The following PRKN variants were observed in gnomAD, a reference collection of about 807,000 sequenced individuals.
The protein encoded by PRKN is E3 ubiquitin-protein ligase parkin.
A neutral mutation model predicts 59.5 loss-of-function variants in PRKN; 56 were observed. The observed-to-expected ratio is 0.94, with a 90% CI of 0.76 to 1.18. The LOEUF is 1.18. Among genes scored for constraint, PRKN ranks in the 50% most tolerant of loss-of-function variants. The pLI, the probability that PRKN is intolerant of heterozygous loss-of-function variation, is 0.00. For synonymous variants in PRKN, 250 were observed against 222.1 expected (o/e 1.13, Z -1.12); for missense variants, 657 against 596.4 (o/e 1.10, Z -1.06).
rs112644639 is a variant in PRKN, at chr6:162,495,310, G to T, written c.8-51837C>A. Among the ~76,000 whole-genome samples, 975 of 152,230 alleles carry T rather than the reference G, an allele frequency of 6.4e-3. 8 individuals are homozygous for T. Among genetic ancestry groups the T allele is most frequent in the African/African-American group, 0.022 (911 of 41,564 alleles). On this transcript the variant is annotated intron_variant, in intron 1 of 11. Transcript: ENST00000366898. ...CAAAATTAGAGTTTTTCTCATCAGA[G>T]AATTAAATTTAAGTCCATCAAGAAA... is the stretch of plus-strand genomic sequence containing the variant.
chr6:161,638,223 G>A (rs1453318247), intron 7 of PRKN, among the ~76,000 whole-genome samples: 1 of 151,410 alleles, frequency 6.6e-6, no homozygotes, highest in Non-Finnish European at 1.5e-5. Context: ...ACCTCCACCT[G>A]CTGGGTTGAA....
In PRKN at chr6:161,759,633, T is replaced by C. The variant is rs938055277; in HGVS notation, c.871+26139A>G. On this transcript the variant is annotated intron_variant, in intron 7 of 11. Coordinates refer to ENST00000366898, the MANE Select transcript of PRKN (RefSeq NM_004562.3). ...CTATATACTGTCAATGTCACTAACA[T>C]AGATTACATTTCAATTACCTTTTTC... Among the ~76,000 whole-genome samples, 116 of 152,326 alleles carry C rather than the reference T, an allele frequency of 7.6e-4. 1 individual carries two copies. Among genetic ancestry groups the C allele is most frequent in the African/African-American group, 2.6e-3 (109 of 41,574 alleles).
chr6:161,598,246 A>C (rs1781985367), intron 7 of PRKN, among the ~76,000 whole-genome samples: 1 of 152,202 alleles, frequency 6.6e-6, no homozygotes, highest in South Asian at 2.1e-4. Flanking sequence ...TTAAATACAA[A>C]CTCATAAGCC....
intron 7 of PRKN, among the ~76,000 whole-genome samples, chr6:161,621,942 C>T (rs1782917286): frequency 1.3e-5 from 2 of 152,194 alleles, no homozygotes; most frequent in South Asian, 4.1e-4. Context: ...TCCTCAATAT[C>T]TGATCTCACC....
intron 4 of PRKN, among the ~76,000 whole-genome samples, chr6:162,092,367 A>G (rs890289333): frequency 6.7e-6 from 1 of 149,934 alleles, no homozygotes; most frequent in African/African-American, 2.5e-5. Context: ...TAAAAAATAA[A>G]AAAATGAAAA....
At chr6:161,553,666 G>A (rs954182960) in intron 8 of PRKN, among the ~76,000 whole-genome samples, 7 of 151,938 alleles carry the variant, frequency 4.6e-5, no homozygotes, top group South Asian at 2.1e-4. Context: ...GTTATCCAGT[G>A]GTATTGTATG....
chr6:162,062,873 G>A (rs546843580), intron 4 of PRKN, among the ~76,000 whole-genome samples: 1 of 152,190 alleles, frequency 6.6e-6, no homozygotes, highest in East Asian at 1.9e-4. Context: ...CCTTCAAATA[G>A]AGAAAGTCTA....
intron 7 of PRKN, among the ~76,000 whole-genome samples, chr6:161,710,317 G>A (rs778775724): frequency 3.6e-4 from 55 of 152,244 alleles, no homozygotes; most frequent in Non-Finnish European, 6.0e-4. Context: ...CTTTCAGCAC[G>A]CTCATTCACT....
At position 161,419,007 on chromosome 6, in the gene PRKN, G is replaced by A. The variant is rs1006318178; in HGVS notation, c.1084-32130C>T. On this transcript the variant is annotated intron_variant, in intron 9 of 11. Transcript: ENST00000366898. The surrounding 1 kb of genome is among the most constrained non-coding windows in gnomAD (Gnocchi z 4.1). ...TATATCATAGAAAATTAGAAGTGAG[G>A]CAGTAAAGCGAGTCTCTGAAAATAC... Among the ~76,000 whole-genome samples the A allele has an allele frequency of 1.3e-5, 2 of 152,166 alleles. No homozygotes were observed. The highest frequency in any genetic ancestry group is 4.8e-5 in the African/African-American group (2 of 41,428).
intron 1 of PRKN, among the ~76,000 whole-genome samples, chr6:162,692,492 CAG>C: frequency 6.6e-6 from 1 of 152,220 alleles, no homozygotes; most frequent in East Asian, 1.9e-4. Flanking sequence ...CACACTGTAT[CAG>C]AAGTTTGACT....
At chr6:161,765,453 G>A (rs1789384584) in intron 7 of PRKN, among the ~76,000 whole-genome samples, 1 of 152,082 alleles carries the variant, frequency 6.6e-6, no homozygotes, top group Non-Finnish European at 1.5e-5. Context: ...CAGCCTAGAC[G>A]TTTGCTTTGG....
intron 3 of PRKN, among the ~76,000 whole-genome samples, chr6:162,224,034 C>G (rs1353060956): frequency 6.6e-6 from 1 of 152,068 alleles, no homozygotes; most frequent in Non-Finnish European, 1.5e-5. Context: ...TCCACCACCA[C>G]AATAAGCTTT....
chr6:161,569,895 T>C (rs1780804789), intron 7 of PRKN, among the ~76,000 whole-genome samples: 1 of 151,966 alleles, frequency 6.6e-6, no homozygotes, highest in African/African-American at 2.4e-5. Flanking sequence ...CATCCATTCT[T>C]TGGGGGGCTC....
At chr6:162,055,037 C>T (rs2023045) in intron 4 of PRKN, among the ~76,000 whole-genome samples, 25,198 of 152,142 alleles carry the variant, frequency 0.17, 2,854 homozygotes, top group East Asian at 0.55. Context: ...TGGCACGCGC[C>T]TGTAATCACA....
At chr6:162,720,014 T>A (rs998629068) in intron 1 of PRKN, among the ~76,000 whole-genome samples, 1 of 152,156 alleles carries the variant, frequency 6.6e-6, no homozygotes, top group African/African-American at 2.4e-5. Context: ...CTACTTCCTA[T>A]CATTTCATGA....
At chr6:161,387,940 G>T (rs999452569) in intron 9 of PRKN, among the ~76,000 whole-genome samples, 5 of 152,170 alleles carry the variant, frequency 3.3e-5, no homozygotes, top group Non-Finnish European at 5.9e-5. Context: ...GACTGAAGAC[G>T]CCCAAGGAAC....
At chr6:161,749,996 T>C (rs1041718171) in intron 7 of PRKN, among the ~76,000 whole-genome samples, 2 of 152,056 alleles carry the variant, frequency 1.3e-5, no homozygotes, top group Non-Finnish European at 2.9e-5. Context: ...GCGTTTGTTA[T>C]GAGAACTAAC....
chr6:161,615,266 C>T (rs1336742889), intron 7 of PRKN, among the ~76,000 whole-genome samples: 1 of 152,110 alleles, frequency 6.6e-6, no homozygotes, highest in Non-Finnish European at 1.5e-5. Flanking sequence ...CCCTAACCCT[C>T]CCTTCATCTC....
intron 1 of PRKN, among the ~76,000 whole-genome samples, chr6:162,691,320 T>A (rs1777766753): frequency 6.6e-6 from 1 of 152,146 alleles, no homozygotes; most frequent in Non-Finnish European, 1.5e-5. Context: ...TTCAACTAAT[T>A]TGTTTTAATT....
Sources: gnomAD v4.1 joint callset for allele counts (sites outside exome capture counted in the v4.1 genomes callset) on GRCh38, gnomAD v4.1.1 for gene constraint, Gnocchi (gnomAD v3.1) non-coding constraint, MANE v1.5 for transcripts, NCBI Gene and HGNC (gene_info 2026-07-23, HGNC 2026-07-21) for gene names.